SKP2: variants seen among roughly 807,000 people sequenced by gnomAD.
SKP2 encodes the protein S-phase kinase associated protein 2.
In SKP2, 16 loss-of-function variants were observed where a neutral mutation model predicts 51.8. The observed-to-expected ratio is 0.31, with a 90% CI of 0.21 to 0.47. The LOEUF (loss-of-function observed/expected upper bound fraction) is 0.47, where lower values mean the gene tolerates loss of function less well. Ranked by LOEUF, SKP2 falls within the 20% of genes least tolerant of loss-of-function variation. The pLI is 1.00. For synonymous variants in SKP2, 176 were observed against 198.6 expected (o/e 0.89, Z 0.96); for missense variants, 377 against 505.3 (o/e 0.75, Z 2.43).
intron 7 of SKP2, chr5:36,192,884 G>A (rs1002284121): frequency 5.9e-5 from 9 of 152,106 alleles, no homozygotes; most frequent in African/African-American, 2.2e-4. Context: ...AAAAGAAGAG[G>A]TAACAGTGGA....
intron 4 of SKP2, among the ~76,000 whole-genome samples, chr5:36,167,481 C>G (rs1745322871): frequency 6.6e-6 from 1 of 152,162 alleles, no homozygotes; most frequent in African/African-American, 2.4e-5. Flanking sequence ...ACATTTATGC[C>G]CAGGACTCTC....
chr5:36,187,822 GT>G (rs1348439542), downstream of SKP2, among the ~76,000 whole-genome samples: 17 of 152,162 alleles, frequency 1.1e-4, no homozygotes, highest in Non-Finnish European at 2.1e-4. Flanking sequence ...TCTGTCTAAT[GT>G]TGACAGTGGG....
intron 2 of SKP2, among the ~76,000 whole-genome samples, chr5:36,156,992 T>C (rs919014897): frequency 6.6e-6 from 1 of 152,098 alleles, no homozygotes; most frequent in Non-Finnish European, 1.5e-5. Context: ...GAAACAGCAG[T>C]TTTACAAAAC....
rs1745856690 is a variant in SKP2 at position 36,182,952 on chromosome 5, A to G, written c.*921A>G. ...TTTTCCTTTAGCGCTGAGGTTCTTA[A>G]GGTTACTTTTATATTACTCTGGAAT... is the stretch of plus-strand genomic sequence containing the variant. On this transcript the variant is annotated 3_prime_UTR_variant, in exon 10 of 10. Coordinates refer to ENST00000274255, the MANE Select transcript of SKP2 (RefSeq NM_005983.4). 5 of 972,184 alleles carry G rather than the reference A, an allele frequency of 5.1e-6. No individual in the cohort carries two copies. The highest frequency in any genetic ancestry group is 6.1e-6 in the Non-Finnish European group (5 of 818,320). 60.2% of individuals were successfully genotyped at this position (972,184 alleles called of 1,614,324 possible).
chr5:36,164,168 C>T (rs1017179310), intron 3 of SKP2, among the ~76,000 whole-genome samples: 4 of 152,186 alleles, frequency 2.6e-5, no homozygotes, highest in South Asian at 2.1e-4. Context: ...CTGCTGCTTA[C>T]GCTCTGCATG....
chr5:36,180,125 CT>C (rs1358608707), intron 9 of SKP2: 4 of 487,136 alleles, frequency 8.2e-6, no homozygotes, highest in Middle Eastern at 6.8e-4. Flanking sequence ...GCCATTCCTC[CT>C]TTTCTTACTC....
Position 36,166,640 on chromosome 5 carries a change from C to T in SKP2, c.514C>T (p.Gln172Ter). The part of the protein sequence containing the change: ...AFRCPRSFMD[Q>*]PLAEHFSPFR... ...CCGCTGCCCACGATCATTTATGGAC[C>T]AACCATTGGCTGAACATTTCAGGTA... Residue 172 changes from glutamine (Q) to a stop codon, truncating the protein, a stop_gained, in exon 4 of 10, where the codon CAA (glutamine) becomes TAA (stop). Transcript: ENST00000274255. LOFTEE classifies it high-confidence loss of function. 2 of 1,613,738 alleles carry T rather than the reference C, an allele frequency of 1.2e-6. No homozygotes were observed. The highest frequency in any genetic ancestry group is 1.7e-6 in the Non-Finnish European group (2 of 1,179,812).
At chr5:36,168,488 T>C in intron 5 of SKP2, 41 bp downstream of exon 5, 2 of 1,604,500 alleles carry the variant, frequency 1.2e-6, no homozygotes, top group South Asian at 1.1e-5. Context: ...GTTGATTTTA[T>C]GTGTATGAAT....
At chr5:36,178,041 C>T (rs1745690117) in intron 9 of SKP2, among the ~76,000 whole-genome samples, 1 of 152,160 alleles carries the variant, frequency 6.6e-6, no homozygotes, top group Non-Finnish European at 1.5e-5. Context: ...AAACACCATA[C>T]CCAACTCATC....
At chr5:36,190,944 T>C (rs1232110903) in intron 6 of SKP2, among the ~76,000 whole-genome samples, 2 of 152,250 alleles carry the variant, frequency 1.3e-5, no homozygotes, top group Non-Finnish European at 2.9e-5. Flanking sequence ...CGTGTTTTCT[T>C]CAATGGGTTT....
At chr5:36,162,443 T>C (rs969204481) in intron 2 of SKP2, among the ~76,000 whole-genome samples, 2 of 152,244 alleles carry the variant, frequency 1.3e-5, no homozygotes, top group Non-Finnish European at 2.9e-5. Context: ...ACATCTGCTC[T>C]GAACTCTCTG....
At chr5:36,190,428 A>C (rs1188334925) in intron 6 of SKP2, among the ~76,000 whole-genome samples, 2 of 146,566 alleles carry the variant, frequency 1.4e-5, no homozygotes, top group African/African-American at 5.1e-5. Flanking sequence ...ATTTGAATTC[A>C]AGTGACAAAG....
Position 36,182,103 on chromosome 5 carries a change from C to G in SKP2, c.*72C>G, listed in dbSNP as rs1745830273. 6.4e-7 allele frequency: 1 copy of G among 1,554,580 alleles called. No homozygotes were observed. Among genetic ancestry groups the G allele is most frequent in the Non-Finnish European group, 8.7e-7 (1 of 1,148,740 alleles). ...GGCAGGAAGCCCAATTGCTGGAGTA[C>G]TTAGCTAGTTTTATTCTTGGTTTTC... On this transcript the variant is annotated 3_prime_UTR_variant, in exon 10 of 10. Coordinates refer to ENST00000274255, the MANE Select transcript of SKP2 (RefSeq NM_005983.4).
Position 36,182,810 on chromosome 5 carries a change from T to G in SKP2, c.*779T>G. 1.0e-6 allele frequency: 1 copy of G among 981,322 alleles called. No individual in the cohort carries two copies. Among genetic ancestry groups the G allele is most frequent in the Non-Finnish European group, 1.2e-6 (1 of 826,192 alleles). 60.8% of individuals were successfully genotyped at this position (981,322 alleles called of 1,614,324 possible). ...GTGGTTTTCTAACTTGATAATCAAATTATGTTAACATGGGTCCTTTAGCTT... is the reference window on the plus strand; with the variant it reads ...GTGGTTTTCTAACTTGATAATCAAAGTATGTTAACATGGGTCCTTTAGCTT... On this transcript the variant is annotated 3_prime_UTR_variant, in exon 10 of 10. Transcript: ENST00000274255.
Position 36,181,860 on chromosome 5 carries a change from T to C in SKP2, c.1104T>C (p.Phe368=). The part of the protein sequence containing the change: ...EIPTLKTLQV[F]GIVPDGTLQL... Reference sequence around the variant, plus strand: ...CCACACTAAAAACACTACAAGTTTTTGGAATCGTGCCAGATGGTACCCTTC... The same window carrying C: ...CCACACTAAAAACACTACAAGTTTTCGGAATCGTGCCAGATGGTACCCTTC... The change falls in exon 10 of 10, where the codon TTT becomes TTC. Residue 368 remains phenylalanine, a synonymous_variant. Transcript: ENST00000274255. 6.2e-7 allele frequency: 1 copy of C among 1,614,160 alleles called. No homozygotes were observed. Among genetic ancestry groups the C allele is most frequent in the Non-Finnish European group, 8.5e-7 (1 of 1,179,986 alleles).
chr5:36,191,788 C>T (rs1468842827), intron 6 of SKP2, among the ~76,000 whole-genome samples: 1 of 152,090 alleles, frequency 6.6e-6, no homozygotes, highest in Non-Finnish European at 1.5e-5. Context: ...ATGACAACCT[C>T]CTCTTTCTTT....
Position 36,183,869 on chromosome 5 carries a change from G to A in SKP2, c.*1838G>A, listed in dbSNP as rs199517101. The A allele has an allele frequency of 1.5e-4, 248 of 1,608,552 alleles. 1 individual carries two copies. The highest frequency in any genetic ancestry group is 3.3e-4 in the South Asian group (30 of 89,912). On this transcript the variant is annotated 3_prime_UTR_variant, in exon 10 of 10. Coordinates refer to ENST00000274255, the MANE Select transcript of SKP2 (RefSeq NM_005983.4). ...GTGACAAGAGCTGGGGTTAGGATCC[G>A]GTTGGACTCTGACATCGGATGCCCT...
chr5:36,180,527 TG>T (rs1456734231), intron 9 of SKP2, among the ~76,000 whole-genome samples: 3 of 152,198 alleles, frequency 2.0e-5, no homozygotes, highest in Non-Finnish European at 4.4e-5. Flanking sequence ...TAAACATTTG[TG>T]GGGTTTAAGA....
At chr5:36,187,547 A>G (rs1176738551), downstream of SKP2, among the ~76,000 whole-genome samples, 1 of 152,168 alleles carries the variant, frequency 6.6e-6, no homozygotes, top group East Asian at 1.9e-4. Context: ...AGCAGTTTTG[A>G]GTGAGTTTCT....
Sources: allele counts gnomAD v4.1 joint callset (sites outside exome capture counted in the v4.1 genomes callset), GRCh38; gene constraint gnomAD v4.1.1; transcripts MANE v1.5; gene names NCBI Gene and HGNC (gene_info 2026-07-23, HGNC 2026-07-21).